Variants in OSCAR observed in about 807,000 individuals in gnomAD.
OSCAR encodes osteoclast-associated immunoglobulin-like receptor.
In OSCAR, 25 loss-of-function variants were observed where a neutral mutation model predicts 27.3. That is an observed-to-expected ratio of 0.92 (90% CI 0.67 to 1.28). The LOEUF is 1.28. Among genes scored for constraint, OSCAR ranks in the 50% most tolerant of loss-of-function variants. The pLI, the probability that OSCAR is intolerant of heterozygous loss-of-function variation, is 0.00. For synonymous variants in OSCAR, 158 were observed against 165.7 expected (o/e 0.95, Z 0.36); for missense variants, 354 against 355.1 (o/e 1.00, Z 0.03).
chr19:54,096,572 G>GCCTCTCTCTCTGCCTC (rs1219178884), intron 3 of OSCAR, among the ~76,000 whole-genome samples: 15 of 16,970 alleles, frequency 8.8e-4, no homozygotes, highest in African/African-American at 4.0e-3. Flanking sequence ...CTCTCTGCCT[G>GCCTCTCTCTCTGCCTC]CCTCTCTCTC....
At chr19:54,099,403 G>A (rs901749450) in intron 2 of OSCAR, among the ~76,000 whole-genome samples, 1 of 151,784 alleles carries the variant, frequency 6.6e-6, no homozygotes, top group Non-Finnish European at 1.5e-5. Flanking sequence ...TACTGTGCCA[G>A]GCTCAGGGTT....
intron 4 of OSCAR, 86 bp downstream of exon 4, chr19:54,095,786 G>T (rs1442854046): frequency 2.6e-6 from 4 of 1,542,942 alleles, no homozygotes; most frequent in Non-Finnish European, 3.5e-6. Context: ...AGAGGCTGGG[G>T]GCCTGGGCTC....
In OSCAR at chr19:54,096,050, G is replaced by C. The variant is rs772127415; in HGVS notation, c.477C>G (p.Phe159Leu). 2.5e-4 allele frequency: 383 copies of C among 1,554,446 alleles called. No homozygotes were observed. The highest frequency in any genetic ancestry group is 3.7e-4 in the Middle Eastern group (2 of 5,430). ...RCAGRLRNMS[F>L]VLYREGVAAP... ...CCGCCACGCCCTCGCGGTACAGCAC[G>C]AAGCTCATGTTCCGCAGGCGGCCCG... The change falls in exon 4 of 5, where the codon TTC (phenylalanine) becomes TTG (leucine). Residue 159 changes from phenylalanine (F) to leucine (L), a missense_variant. By Grantham distance (22) the Phe-to-Leu change is conservative. Transcript: ENST00000358375.
chr19:54,098,953 G>A (rs187441845), intron 2 of OSCAR, among the ~76,000 whole-genome samples: 18 of 150,866 alleles, frequency 1.2e-4, no homozygotes, highest in East Asian at 6.0e-4. Flanking sequence ...ACTGCACTCC[G>A]GCCTGGGCGA....
chr19:54,096,923 C>A lies in OSCAR; in HGVS notation c.312G>T (p.Arg104Ser). ...ACCAGACACCCGGCCCCCAGTCTGG[C>A]CTTCGGTAGCAGCAGCGGTAACTTC... ...QGGSYRCCYR[R>S]PDWGPGVWSQ... Residue 104 changes from arginine (R) to serine (S), a missense_variant, in exon 3 of 5, where the codon AGG (arginine) becomes AGT (serine). Arg to Ser is a moderately radical substitution (Grantham distance 110, BLOSUM62 -1). Coordinates refer to ENST00000358375, the MANE Select transcript of OSCAR (RefSeq NM_133169.6). The A allele has an allele frequency of 6.2e-7, 1 of 1,614,162 alleles. No individual in the cohort carries two copies. Among genetic ancestry groups the A allele is most frequent in the Non-Finnish European group, 8.5e-7 (1 of 1,180,020 alleles).
In OSCAR at chr19:54,097,108, C is replaced by G. The variant is rs587713480; in HGVS notation, c.127G>C (p.Val43Leu). 1 of 1,614,208 alleles carries G rather than the reference C, an allele frequency of 6.2e-7. No homozygotes were observed. Among genetic ancestry groups the G allele is most frequent in the East Asian group, 2.2e-5 (1 of 44,892 alleles). The change falls in exon 3 of 5, where the codon GTG (valine) becomes CTG (leucine). Residue 43 changes from valine to leucine, a missense_variant. Coordinates refer to ENST00000358375, the MANE Select transcript of OSCAR (RefSeq NM_133169.6). ...PWLGAQPATV[V>L]TPGVNVTLRC... ...AAGGTCACGTTGACCCCAGGGGTCA[C>G]AACTGTAGCCGGCTGAGCTCCCAGC...
At chr19:54,096,309 T>C (rs1414527294) in intron 3 of OSCAR, among the ~76,000 whole-genome samples, 156 bp from the exon 4 acceptor site, 1 of 150,498 alleles carries the variant, frequency 6.6e-6, no homozygotes, top group Non-Finnish European at 1.5e-5. Flanking sequence ...TGTCTGCCTC[T>C]CTCTCTGCCT....
At chr19:54,097,433 TTTATTA>T (rs1199341273) in intron 2 of OSCAR, among the ~76,000 whole-genome samples, 1 of 151,750 alleles carries the variant, frequency 6.6e-6, no homozygotes, top group Non-Finnish European at 1.5e-5. Flanking sequence ...ACTCTGTAAT[TTTATTA>T]TTATTATTAT....
intron 4 of OSCAR, 178 bp downstream of exon 4, chr19:54,095,694 G>T: frequency 8.9e-7 from 1 of 1,129,580 alleles, no homozygotes; most frequent in Non-Finnish European, 1.2e-6. Context: ...TCCTGGATCT[G>T]AGGGAGGAGG....
intron 2 of OSCAR, chr19:54,099,511 C>T (rs1411946099): frequency 7.5e-7 from 1 of 1,327,788 alleles, no homozygotes; most frequent in Non-Finnish European, 1.1e-6. Flanking sequence ...CATATGGTCA[C>T]ATATAAATGA....
intron 2 of OSCAR, among the ~76,000 whole-genome samples, chr19:54,099,208 GCGT>G (rs1453197284): frequency 1.5e-5 from 2 of 135,608 alleles, no homozygotes; most frequent in South Asian, 2.3e-4. Context: ...GATTACAGGT[GCGT>G]CCCACCACAC....
intron 2 of OSCAR, among the ~76,000 whole-genome samples, chr19:54,099,229 A>ATTTTTTTTTTTTTTTTTTTTTTTTT (rs1228940404): frequency 2.7e-4 from 22 of 82,420 alleles, no homozygotes; most frequent in Non-Finnish European, 3.2e-4. Context: ...CACCCGGCTA[A>ATTTTTTTTTTTTTTTTTTTTTTTTT]TTTTTTTTTT....
Position 54,096,172 on chromosome 19 carries a change from A to C in OSCAR, c.374-19T>G. Reference sequence around the variant, plus strand: ...AGCTCCTCTGCAGAGACGGGGTGAGAGTCCGGGGCCGCGTGAGCGTCTTCC... The same window carrying C: ...AGCTCCTCTGCAGAGACGGGGTGAGCGTCCGGGGCCGCGTGAGCGTCTTCC... On this transcript the variant is annotated intron_variant, in intron 3 of 4. Coordinates refer to ENST00000358375, the MANE Select transcript of OSCAR (RefSeq NM_133169.6). The C allele has an allele frequency of 6.7e-7, 1 of 1,483,060 alleles. No homozygotes were observed. 91.9% of individuals were successfully genotyped at this position (1,483,060 alleles called of 1,614,324 possible).
rs2072761965 is a variant in OSCAR at position 54,096,908 on chromosome 19, C to CGGCCCCCAGTCT, written c.315_326dup (p.Asp106_Pro109dup). ...CATCGCTGGGCTGGGACCAGACACC[C>CGGCCCCCAGTCT]GGCCCCCAGTCTGGCCTTCGGTAGC... On this transcript the variant is annotated inframe_insertion, in exon 3 of 5. Transcript: ENST00000358375. 1 of 1,613,992 alleles carries CGGCCCCCAGTCT rather than the reference C, an allele frequency of 6.2e-7. No individual in the cohort carries two copies. The highest frequency in any genetic ancestry group is 8.5e-7 in the Non-Finnish European group (1 of 1,180,008).
intron 2 of OSCAR, among the ~76,000 whole-genome samples, chr19:54,097,386 A>G (rs1427265512): frequency 6.6e-6 from 1 of 152,080 alleles, no homozygotes; most frequent in African/African-American, 2.4e-5. Context: ...TTTACTCCAC[A>G]GTTTGTAAAC....
At chr19:54,096,293 T>C in intron 3 of OSCAR, 140 bp from the exon 4 acceptor site, 1 of 801,020 alleles carries the variant, frequency 1.2e-6, no homozygotes, top group Non-Finnish European at 1.9e-6. Flanking sequence ...TGCCTGTCTC[T>C]CTCTCTGTCT....
In OSCAR at chr19:54,096,430, C is replaced by CCCTCTCTCTCTGCCTG. The variant is rs2072713791; in HGVS notation, c.374-293_374-278dup. ...TCTCTGCCTCCCTCTCTCTCTGCCT[C>CCCTCTCTCTCTGCCTG]CCTCTCTCTCTGCCTGCCTCTCTCT... On this transcript the variant is annotated intron_variant, in intron 3 of 4. Transcript: ENST00000358375. Among the ~76,000 whole-genome samples, 26 of 88,050 alleles carry CCCTCTCTCTCTGCCTG rather than the reference C, an allele frequency of 3.0e-4. No individual in the cohort carries two copies. The East Asian group carries it at 4.1e-3, about 14-fold the overall frequency. 57.8% of individuals were successfully genotyped at this position (88,050 alleles called of 152,430 possible). A position where few individuals can be genotyped will look rare whatever the true frequency, so the allele number is the denominator to read the frequency against.
rs1418052060 is a variant in OSCAR, at chr19:54,095,001, C to T, written c.*220G>A. 9 of 657,526 alleles carry T rather than the reference C, an allele frequency of 1.4e-5. No individual in the cohort carries two copies. The highest frequency in any genetic ancestry group is 3.8e-5 in the Admixed American group (1 of 26,382). The allele number at this position is 657,526 out of a possible 1,614,324, so 40.7% of individuals were successfully genotyped here. The stretch of plus-strand genomic sequence containing the variant: ...TGCTGGGATTCGAACCCTCTGTCTT[C>T]TGGCTTGGAAGTCTTAACCACTAAT... On this transcript the variant is annotated 3_prime_UTR_variant, in exon 5 of 5. Transcript: ENST00000358375.
chr19:54,095,460 C>A (rs1214485323), intron 4 of OSCAR, 103 bp from the exon 5 acceptor site: 3 of 1,466,324 alleles, frequency 2.0e-6, no homozygotes, highest in African/African-American at 2.9e-5. Flanking sequence ...AGGGACCTGA[C>A]TCTACAGTCT....
Sources: gnomAD v4.1 joint callset for allele counts (sites outside exome capture counted in the v4.1 genomes callset) on GRCh38, gnomAD v4.1.1 for gene constraint, MANE v1.5 for transcripts, NCBI Gene and HGNC (gene_info 2026-07-23, HGNC 2026-07-21) for gene names.